Variants in DLG2 observed in about 807,000 individuals in gnomAD.
The protein encoded by DLG2 is disks large homolog 2.
DLG2 carries 45 observed loss-of-function variants against 132.5 expected under a neutral mutation model. That is an observed-to-expected ratio of 0.34 (90% CI 0.27 to 0.44). The LOEUF (loss-of-function observed/expected upper bound fraction) is 0.44. Among genes scored for constraint, DLG2 ranks in the 20% least tolerant of loss-of-function variants. DLG2 has a pLI of 1.00. For missense variants in DLG2, 1,045 were observed against 1,196.9 expected, an observed-to-expected ratio of 0.87 and a Z score of 1.87; for synonymous variants, 424 against 419.6, an observed-to-expected ratio of 1.01 and a Z score of -0.13.
At chr11:84,517,072 A>AAAAAATAAAT (rs2099275927) in intron 7 of DLG2, among the ~76,000 whole-genome samples, 1 of 148,926 alleles carries the variant, frequency 6.7e-6, no homozygotes, top group Non-Finnish European at 1.5e-5. Flanking sequence ...AAAAAAAAAA[A>AAAAAATAAAT]AGATTCGCAA....
intron 8 of DLG2, among the ~76,000 whole-genome samples, chr11:84,215,665 T>A (rs998187034): frequency 6.6e-6 from 1 of 152,094 alleles, no homozygotes; most frequent in Non-Finnish European, 1.5e-5. Context: ...ATGTTACTAG[T>A]GAGCATATGT....
At chr11:84,071,059 T>C (rs947834226) in intron 10 of DLG2, among the ~76,000 whole-genome samples, 1 of 152,292 alleles carries the variant, frequency 6.6e-6, no homozygotes, top group East Asian at 1.9e-4. Context: ...ATTTTTATTT[T>C]AAAATTTTTC....
intron 8 of DLG2, among the ~76,000 whole-genome samples, chr11:84,249,178 C>T (rs1177957115): frequency 3.3e-5 from 5 of 152,188 alleles, no homozygotes; most frequent in Non-Finnish European, 5.9e-5. Context: ...TCTCTGTGCT[C>T]CAGGCCTACT....
chr11:85,267,114 G>A (rs2077261840), intron 4 of DLG2, among the ~76,000 whole-genome samples: 3 of 152,142 alleles, frequency 2.0e-5, no homozygotes, highest in South Asian at 4.1e-4. Context: ...ATGTTATTTA[G>A]GCCTTTGAAA....
At chr11:84,786,349 A>G (rs2072889030) in intron 6 of DLG2, among the ~76,000 whole-genome samples, 1 of 152,220 alleles carries the variant, frequency 6.6e-6, no homozygotes, top group African/African-American at 2.4e-5. Context: ...ATAATGAAGT[A>G]TCATAAACCA....
intron 3 of DLG2, among the ~76,000 whole-genome samples, chr11:85,521,040 C>T (rs370104505): frequency 1.9e-4 from 29 of 152,194 alleles, no homozygotes; most frequent in African/African-American, 4.3e-4. Context: ...AAAAAGTTTC[C>T]GCATAGCAAA....
intron 19 of DLG2, among the ~76,000 whole-genome samples, chr11:83,558,848 CGTGT>C (rs3039336): frequency 0.15 from 21,735 of 142,138 alleles, 1,639 homozygotes; most frequent in Middle Eastern, 0.16. Context: ...TGCTAGATGT[CGTGT>C]GTGTGTGTGT....
intron 2 of DLG2, among the ~76,000 whole-genome samples, chr11:85,599,859 T>A (rs888724784): frequency 1.2e-4 from 18 of 152,334 alleles, no homozygotes; most frequent in Admixed American, 5.9e-4. Flanking sequence ...AGACAAAACA[T>A]CCTTGAAAAA....
chr11:84,766,488 G>A (rs1323757607), intron 6 of DLG2, among the ~76,000 whole-genome samples: 1 of 152,018 alleles, frequency 6.6e-6, no homozygotes, highest in African/African-American at 2.4e-5. Flanking sequence ...ATGCTGCTTA[G>A]AACACCACTT....
At chr11:84,150,833 T>G (rs2095270315) in intron 9 of DLG2, among the ~76,000 whole-genome samples, 2 of 152,206 alleles carry the variant, frequency 1.3e-5, no homozygotes, top group South Asian at 4.1e-4. Context: ...TTGAATTTTA[T>G]CCAAAGCTTT....
chr11:84,174,331 T>C (rs2095896446), intron 8 of DLG2, among the ~76,000 whole-genome samples: 1 of 152,106 alleles, frequency 6.6e-6, no homozygotes, highest in African/African-American at 2.4e-5. Context: ...TTTCCTAAAA[T>C]GTTTCATCAA....
chr11:84,049,423 A>C (rs1222097577), intron 11 of DLG2, among the ~76,000 whole-genome samples: 1 of 151,752 alleles, frequency 6.6e-6, no homozygotes, highest in African/African-American at 2.4e-5. Context: ...AGGTGCCAAA[A>C]CATGGGCTTC....
At chr11:85,342,599 C>T (rs996597385) in intron 3 of DLG2, among the ~76,000 whole-genome samples, 1 of 152,178 alleles carries the variant, frequency 6.6e-6, no homozygotes, top group African/African-American at 2.4e-5. Flanking sequence ...GTACAGTAAA[C>T]ACATAAACCA....
intron 7 of DLG2, among the ~76,000 whole-genome samples, chr11:84,448,252 G>C (rs1296377005): frequency 6.6e-6 from 1 of 152,038 alleles, no homozygotes; most frequent in Non-Finnish European, 1.5e-5. Flanking sequence ...ATTCATGGAG[G>C]TGAAGTGCTA....
At chr11:84,567,994 G>T (rs1273923191) in intron 6 of DLG2, among the ~76,000 whole-genome samples, 7 of 152,138 alleles carry the variant, frequency 4.6e-5, no homozygotes, top group South Asian at 2.1e-4. Context: ...TTCCACATGG[G>T]CAAATGAGAA....
At chr11:85,085,099 C>A (rs961293203) in intron 6 of DLG2, among the ~76,000 whole-genome samples, 3 of 152,076 alleles carry the variant, frequency 2.0e-5, no homozygotes, top group South Asian at 2.1e-4. Context: ...TGCTTATACA[C>A]AATTTCTTAA....
chr11:83,899,185 G>A (rs1177360122), intron 15 of DLG2, among the ~76,000 whole-genome samples: 1 of 151,502 alleles, frequency 6.6e-6, no homozygotes, highest in Non-Finnish European at 1.5e-5. Context: ...CCTATCAAGG[G>A]CATATCCATT....
At chr11:83,765,635 A>G (rs1436748385) in intron 18 of DLG2, among the ~76,000 whole-genome samples, 1 of 152,240 alleles carries the variant, frequency 6.6e-6, no homozygotes, top group Admixed American at 6.5e-5. Context: ...TTAGAATCCA[A>G]GATGTAGACA....
Position 83,725,093 on chromosome 11 carries a change from A to G in DLG2, c.1825+61597T>C, listed in dbSNP as rs77642593. 1,373 of 555,280 alleles carry G rather than the reference A, an allele frequency of 2.5e-3. 13 individuals are homozygous for G. The highest frequency in any genetic ancestry group is 0.022 in the African/African-American group (1,179 of 53,688). 34.4% of individuals were successfully genotyped at this position (555,280 alleles called of 1,614,324 possible). On this transcript the variant is annotated intron_variant, in intron 18 of 27. Coordinates refer to ENST00000376104, the MANE Select transcript of DLG2 (RefSeq NM_001142699.3). ...GATGCTTTGCAACACAAACAAGCCA[A>G]TTTGAAAGATGGGATTATTTTCTCC...
Sources: gnomAD v4.1 joint callset for allele counts (sites outside exome capture counted in the v4.1 genomes callset) on GRCh38, gnomAD v4.1.1 for gene constraint, MANE v1.5 for transcripts, NCBI Gene and HGNC (gene_info 2026-07-23, HGNC 2026-07-21) for gene names.